Variants in SUMF1 observed in about 807,000 individuals in gnomAD.
The protein encoded by SUMF1 is formylglycine-generating enzyme.
In SUMF1, 48 loss-of-function variants were observed where a neutral mutation model predicts 47.6. That is an observed-to-expected ratio of 1.01 (90% CI 0.80 to 1.28). The LOEUF (loss-of-function observed/expected upper bound fraction) is 1.28, where lower values mean the gene tolerates loss of function less well. Ranked by LOEUF, SUMF1 falls within the 50% of genes most tolerant of loss-of-function variation. SUMF1 has a pLI of 0.00. For synonymous variants in SUMF1, 230 were observed against 192.1 expected (o/e 1.20, Z -1.63); for missense variants, 571 against 485.4 (o/e 1.18, Z -1.66).
chr3:4,043,443 G>T (rs1410883767), intron 9 of SUMF1, among the ~76,000 whole-genome samples: 1 of 151,926 alleles, frequency 6.6e-6, no homozygotes, highest in Non-Finnish European at 1.5e-5. Context: ...TTGTTCACAG[G>T]CTGCCAAAAA....
intron 8 of SUMF1, among the ~76,000 whole-genome samples, chr3:4,189,041 A>G (rs978331934): frequency 3.3e-5 from 5 of 152,192 alleles, no homozygotes; most frequent in Admixed American, 2.6e-4. Context: ...TTTAAGATAC[A>G]TAAGTGATTT....
At chr3:4,246,238 T>C (rs1696667292) in intron 8 of SUMF1, among the ~76,000 whole-genome samples, 1 of 152,134 alleles carries the variant, frequency 6.6e-6, no homozygotes, top group South Asian at 2.1e-4. Context: ...CACCCCGCCC[T>C]GCTTCTGCTC....
At chr3:4,208,848 T>C (rs750699315) in intron 8 of SUMF1, among the ~76,000 whole-genome samples, 1 of 152,062 alleles carries the variant, frequency 6.6e-6, no homozygotes, top group Non-Finnish European at 1.5e-5. Flanking sequence ...AGAGGTAACA[T>C]ATGCACAATG....
chr3:4,133,268 T>C (rs779087801), intron 8 of SUMF1, among the ~76,000 whole-genome samples: 3 of 152,172 alleles, frequency 2.0e-5, no homozygotes, highest in Admixed American at 6.5e-5. Context: ...CTTTATGTAA[T>C]AGTATTTGGG....
At chr3:4,343,899 A>G (rs988801541) in intron 8 of SUMF1, among the ~76,000 whole-genome samples, 2 of 152,248 alleles carry the variant, frequency 1.3e-5, no homozygotes, top group Admixed American at 6.5e-5. Flanking sequence ...AACTGGGAAT[A>G]ACTCACATAT....
At chr3:4,342,648 G>A (rs1323778028) in intron 8 of SUMF1, among the ~76,000 whole-genome samples, 1 of 152,200 alleles carries the variant, frequency 6.6e-6, no homozygotes, top group African/African-American at 2.4e-5. Flanking sequence ...GAATTCCACA[G>A]TGGAAGGTCC....
At chr3:4,431,851 C>T (rs897763276) in intron 3 of SUMF1, among the ~76,000 whole-genome samples, 12 of 152,148 alleles carry the variant, frequency 7.9e-5, no homozygotes, top group East Asian at 1.9e-4. Flanking sequence ...CATCCCATTT[C>T]GCTGTCAAAA....
At chr3:4,134,996 T>A (rs533108897) in intron 8 of SUMF1, among the ~76,000 whole-genome samples, 7 of 152,010 alleles carry the variant, frequency 4.6e-5, no homozygotes, top group East Asian at 1.9e-4. Flanking sequence ...TACCAACCAA[T>A]AAAAGTCCAG....
chr3:4,326,810 C>G (rs1698955733), intron 8 of SUMF1, among the ~76,000 whole-genome samples: 1 of 152,098 alleles, frequency 6.6e-6, no homozygotes, highest in Non-Finnish European at 1.5e-5. Flanking sequence ...CATAAGCCAC[C>G]ATGCCCAGCC....
intron 9 of SUMF1, among the ~76,000 whole-genome samples, chr3:4,049,030 T>C (rs370277980): frequency 3.3e-4 from 50 of 152,268 alleles, no homozygotes; most frequent in African/African-American, 1.1e-3. Context: ...ACCTAACAGA[T>C]ATAGATTTGA....
intron 8 of SUMF1, among the ~76,000 whole-genome samples, chr3:4,249,971 G>A (rs1018200909): frequency 3.3e-5 from 5 of 152,128 alleles, no homozygotes; most frequent in Non-Finnish European, 7.4e-5. Context: ...ATCACTTGAG[G>A]CCAGGAGTTT....
At chr3:4,216,032 A>C (rs1181103457) in intron 8 of SUMF1, among the ~76,000 whole-genome samples, 1 of 152,208 alleles carries the variant, frequency 6.6e-6, no homozygotes, top group Admixed American at 6.5e-5. Flanking sequence ...CAGAATTGGA[A>C]AAAACTACCT....
intron 8 of SUMF1, among the ~76,000 whole-genome samples, chr3:4,088,344 C>T (rs915479127): frequency 2.6e-5 from 4 of 152,062 alleles, no homozygotes; most frequent in African/African-American, 9.7e-5. Flanking sequence ...CTGCTTGGTC[C>T]ACCAGGTAAA....
intron 8 of SUMF1, among the ~76,000 whole-genome samples, chr3:4,259,165 A>G (rs1697030486): frequency 6.6e-6 from 1 of 151,330 alleles, no homozygotes; most frequent in South Asian, 2.1e-4. Context: ...CTAATGCTAG[A>G]TGACGAGTTA....
At chr3:4,332,915 A>G (rs1158787668) in intron 8 of SUMF1, among the ~76,000 whole-genome samples, 2 of 152,192 alleles carry the variant, frequency 1.3e-5, no homozygotes, top group African/African-American at 4.8e-5. Flanking sequence ...GGCAACAAGC[A>G]GACAAATGGT....
intron 8 of SUMF1, among the ~76,000 whole-genome samples, chr3:4,372,667 T>C (rs914213102): frequency 6.6e-6 from 1 of 152,236 alleles, no homozygotes; most frequent in East Asian, 1.9e-4. Context: ...GGTACAATTA[T>C]ATTATGTTAC....
intron 9 of SUMF1, among the ~76,000 whole-genome samples, chr3:4,066,122 G>C (rs1034751833): frequency 6.6e-6 from 1 of 151,968 alleles, no homozygotes; most frequent in Non-Finnish European, 1.5e-5. Flanking sequence ...AAGGGAAACA[G>C]AAGACATTCA....
At chr3:4,435,057 A>G (rs1702352628) in intron 3 of SUMF1, among the ~76,000 whole-genome samples, 1 of 152,164 alleles carries the variant, frequency 6.6e-6, no homozygotes, top group African/African-American at 2.4e-5. Flanking sequence ...CCTCCCAAGT[A>G]GCTGGGATTA....
chr3:4,142,733 C>T (rs918104102), intron 8 of SUMF1, among the ~76,000 whole-genome samples: 4 of 151,790 alleles, frequency 2.6e-5, no homozygotes, highest in Non-Finnish European at 2.9e-5. Context: ...TTAAGAATCT[C>T]GTGAATGCTA....
Sources: gnomAD v4.1 joint callset for allele counts (sites outside exome capture counted in the v4.1 genomes callset) on GRCh38, gnomAD v4.1.1 for gene constraint, MANE v1.5 for transcripts, NCBI Gene and HGNC (gene_info 2026-07-23, HGNC 2026-07-21) for gene names.